The following AK9 variants were observed in gnomAD, a reference collection of about 807,000 sequenced individuals.
AK9 encodes the protein adenylate kinase 9, also known as adenylate kinase domain containing 1.
AK9 carries 191 observed loss-of-function variants against 239.6 expected under a neutral mutation model. The observed-to-expected ratio is 0.80, with a 90% CI of 0.71 to 0.90. AK9 has a LOEUF of 0.90. Ranked by LOEUF, AK9 falls within the 40% of genes least tolerant of loss-of-function variation. The pLI, the probability that AK9 is intolerant of heterozygous loss-of-function variation, is 0.00. For synonymous variants in AK9, 689 were observed against 721.0 expected (o/e 0.96, Z 0.71); for missense variants, 1,995 against 2,214.7 (o/e 0.90, Z 1.99).
At chr6:109,601,737 G>GACT (rs1792008306) in intron 17 of AK9, among the ~76,000 whole-genome samples, 1 of 152,244 alleles carries the variant, frequency 6.6e-6, no homozygotes, top group Non-Finnish European at 1.5e-5. Flanking sequence ...GGTCTCTAAG[G>GACT]ACTTGCTTTA....
rs1393654461 is a variant in AK9, at chr6:109,492,902, T to G, written c.*467A>C. ...ATTTTATTGGGAAAATGATAGTATCTTATGTTCACAAAGTTCACAAACAGT... is the reference window on the plus strand; with the variant it reads ...ATTTTATTGGGAAAATGATAGTATCGTATGTTCACAAAGTTCACAAACAGT... On this transcript the variant is annotated 3_prime_UTR_variant, in exon 41 of 41. Transcript: ENST00000424296. 1.3e-5 allele frequency: 2 copies of G among 152,620 alleles called. No homozygotes were observed. The highest frequency in any genetic ancestry group is 2.4e-5 in the African/African-American group (1 of 41,468). The allele number at this position is 152,620 out of a possible 1,614,324, so 9.5% of individuals were successfully genotyped here. A position where few individuals can be genotyped will look rare whatever the true frequency, so the allele number is the denominator to read the frequency against.
intron 17 of AK9, among the ~76,000 whole-genome samples, chr6:109,601,845 C>T (rs1792031130): frequency 7.5e-6 from 1 of 133,788 alleles, no homozygotes; most frequent in South Asian, 2.4e-4. Context: ...GACCTTGTCT[C>T]TTTTGATCTT....
intron 35 of AK9, among the ~76,000 whole-genome samples, chr6:109,500,034 TAC>T (rs36086518): frequency 0.024 from 3,352 of 141,390 alleles, 54 homozygotes; most frequent in Admixed American, 0.052. Context: ...ATATATATGA[TAC>T]ACACACACAC....
intron 32 of AK9, among the ~76,000 whole-genome samples, chr6:109,509,634 G>A (rs1778478682): frequency 6.6e-6 from 1 of 152,030 alleles, no homozygotes; most frequent in Non-Finnish European, 1.5e-5. Flanking sequence ...TGTGGCTACA[G>A]TCACTTAAAC....
chr6:109,635,165 T>C lies in AK9; in HGVS notation c.934-1842A>G, dbSNP rs73762774. Among the ~76,000 whole-genome samples the C allele has an allele frequency of 4.8e-3, 728 of 152,036 alleles. 11 individuals are homozygous for C. The highest frequency in any genetic ancestry group is 0.017 in the African/African-American group (702 of 41,484). ...GGACGCAGAGAATGGGAGAAGAGAC[T>C]AGAGGTGCTGATCAAGGCTGACAGC... is the stretch of plus-strand genomic sequence containing the variant. On this transcript the variant is annotated intron_variant, in intron 10 of 40. Transcript: ENST00000424296.
Position 109,619,298 on chromosome 6 carries a change from G to A in AK9, c.1255-62C>T, listed in dbSNP as rs1794548544. The A allele has an allele frequency of 1.5e-5, 22 of 1,450,032 alleles. No individual in the cohort carries two copies. In the South Asian group the frequency reaches 2.9e-4, roughly 19 times the overall value. 89.8% of individuals were successfully genotyped at this position (1,450,032 alleles called of 1,614,324 possible). A position where few individuals can be genotyped will look rare whatever the true frequency, so the allele number is the denominator to read the frequency against. ...AGTTATTGTGACTATTAAACACATT[G>A]TTCATCTATCTATGTATATCTATCT... On this transcript the variant is annotated intron_variant, in intron 12 of 40. Transcript: ENST00000424296.
intron 17 of AK9, among the ~76,000 whole-genome samples, chr6:109,597,235 T>C (rs1791160090): frequency 6.6e-6 from 1 of 152,210 alleles, no homozygotes. Context: ...CTGTATCAAT[T>C]TTCATACTTC....
At chr6:109,657,324 T>C (rs141135714) in intron 7 of AK9, among the ~76,000 whole-genome samples, 55 of 152,216 alleles carry the variant, frequency 3.6e-4, no homozygotes, top group African/African-American at 1.2e-3. Flanking sequence ...CTCACACACA[T>C]TGCAGTTGAG....
rs1264781031 is a variant in AK9, at chr6:109,497,519, T to C, written c.5261A>G (p.Tyr1754Cys). 1 of 1,610,464 alleles carries C rather than the reference T, an allele frequency of 6.2e-7. No homozygotes were observed. Reference sequence around the variant, plus strand: ...CTCACAAATATATATACGATTATGATATTCTAAAGCATAGTTAATGCTACC... The same window carrying C: ...CTCACAAATATATATACGATTATGACATTCTAAAGCATAGTTAATGCTACC... ...VPGSINYALE[Y>C]HNRIYICENK... The change falls in exon 38 of 41, where the codon TAT becomes TGT. Residue 1754 changes from tyrosine (Y) to cysteine (C), a missense_variant. Transcript: ENST00000424296.
chr6:109,494,393 A>G (rs143217016), intron 39 of AK9: 1 of 231,206 alleles, frequency 4.3e-6, no homozygotes, highest in East Asian at 9.0e-5. Context: ...TTTTATAACA[A>G]AAAGTTAAGA....
intron 36 of AK9, among the ~76,000 whole-genome samples, chr6:109,498,515 T>C (rs1417258115): frequency 6.6e-6 from 1 of 152,386 alleles, no homozygotes; most frequent in Non-Finnish European, 1.5e-5. Flanking sequence ...TTCTTGTTGT[T>C]GTTTTCAACT....
chr6:109,628,880 T>C (rs967795693), intron 12 of AK9, among the ~76,000 whole-genome samples: 1 of 149,396 alleles, frequency 6.7e-6, no homozygotes, highest in African/African-American at 2.4e-5. Context: ...GTTATACTTG[T>C]TTCAAAGATC....
intron 24 of AK9, among the ~76,000 whole-genome samples, chr6:109,556,273 G>A (rs193263753): frequency 2.6e-5 from 4 of 152,210 alleles, no homozygotes; most frequent in Non-Finnish European, 4.4e-5. Flanking sequence ...TGCTTATGAA[G>A]CTTAGTTTGG....
chr6:109,573,100 C>CA (rs1401693570), intron 21 of AK9, among the ~76,000 whole-genome samples: 2 of 151,814 alleles, frequency 1.3e-5, no homozygotes, highest in Non-Finnish European at 2.9e-5. Context: ...AAATAGCAAA[C>CA]AAAAAAATAG....
chr6:109,528,596 A>G (rs1463396162), intron 29 of AK9: 1 of 458,394 alleles, frequency 2.2e-6, no homozygotes, highest in Non-Finnish European at 4.4e-6. Context: ...CGCTTCTGCA[A>G]TGCTTTGTGC....
chr6:109,605,301 C>A (rs1456437146), intron 17 of AK9, among the ~76,000 whole-genome samples: 2 of 152,150 alleles, frequency 1.3e-5, no homozygotes, highest in Non-Finnish European at 1.5e-5. Context: ...ATAGGAATAT[C>A]ATTGTCTTAT....
intron 27 of AK9, among the ~76,000 whole-genome samples, chr6:109,535,111 G>A (rs1433973866): frequency 6.6e-6 from 1 of 152,160 alleles, no homozygotes; most frequent in Non-Finnish European, 1.5e-5. Context: ...AATCCTTTGG[G>A]TATATACCCA....
intron 21 of AK9, among the ~76,000 whole-genome samples, chr6:109,569,610 G>A (rs985308873): frequency 6.6e-6 from 1 of 152,116 alleles, no homozygotes; most frequent in African/African-American, 2.4e-5. Context: ...CCATCAAAAA[G>A]TGGGCAAAGG....
At chr6:109,579,288 G>A in intron 20 of AK9, 1 of 340,326 alleles carries the variant, frequency 2.9e-6, no homozygotes, top group Non-Finnish European at 5.3e-6. Context: ...ATCACTTGCA[G>A]AGGGTGTATG....
Sources: allele counts gnomAD v4.1 joint callset (sites outside exome capture counted in the v4.1 genomes callset), GRCh38; gene constraint gnomAD v4.1.1; transcripts MANE v1.5; gene names NCBI Gene and HGNC (gene_info 2026-07-23, HGNC 2026-07-21).